Variants in KCNIP4 observed in about 807,000 individuals in gnomAD.
KCNIP4 encodes the protein potassium voltage-gated channel interacting protein 4.
A neutral mutation model predicts 34.0 loss-of-function variants in KCNIP4; 12 were observed. The ratio of observed to expected loss-of-function variants is 0.35; its 90% confidence interval spans 0.23 to 0.57. The LOEUF (loss-of-function observed/expected upper bound fraction) is 0.57. Among genes scored for constraint, KCNIP4 ranks in the 20% least tolerant of loss-of-function variants. The pLI is 0.83. For missense variants in KCNIP4, 238 were observed against 311.7 expected (o/e 0.76, Z 1.78); for synonymous variants, 124 against 102.2 (o/e 1.21, Z -1.29).
rs1219675456 is a variant in KCNIP4 at position 21,798,424 on chromosome 4, TA to T, written c.61+150146del. Among the ~76,000 whole-genome samples, 4 of 143,062 alleles carry T rather than the reference TA, an allele frequency of 2.8e-5. No individual in the cohort carries two copies. The East Asian group carries it at 6.1e-4, about 22-fold the overall frequency. 93.9% of individuals were successfully genotyped at this position (143,062 alleles called of 152,430 possible). A position where few individuals can be genotyped will look rare whatever the true frequency, so the allele number is the denominator to read the frequency against. On this transcript the variant is annotated intron_variant, in intron 1 of 8. Coordinates refer to ENST00000382152, the MANE Select transcript of KCNIP4 (RefSeq NM_025221.6). ...AAATACATATATATATATATATATA[TA>T]TTTGCTGGGTGTGGTGGCACACATC...
At chr4:21,622,751 G>GA (rs1745075650) in intron 1 of KCNIP4, among the ~76,000 whole-genome samples, 1 of 152,102 alleles carries the variant, frequency 6.6e-6, no homozygotes, top group African/African-American at 2.4e-5. Context: ...AAAATAGTTT[G>GA]AAAATGATTT....
intron 1 of KCNIP4, among the ~76,000 whole-genome samples, chr4:21,332,983 C>G (rs1715806633): frequency 6.6e-6 from 1 of 152,046 alleles, no homozygotes; most frequent in Non-Finnish European, 1.5e-5. Context: ...AAGGTCTTTA[C>G]CAGCTCGGAG....
chr4:21,140,314 A>G (rs1474847085), intron 1 of KCNIP4, among the ~76,000 whole-genome samples: 1 of 152,130 alleles, frequency 6.6e-6, no homozygotes, highest in Admixed American at 6.6e-5. Flanking sequence ...TATTGAGAAG[A>G]ACAAAATTAT....
intron 3 of KCNIP4, among the ~76,000 whole-genome samples, chr4:20,809,387 G>T (rs923259917): frequency 6.6e-6 from 1 of 152,128 alleles, no homozygotes; most frequent in African/African-American, 2.4e-5. Context: ...TTTTGTTACT[G>T]TTGTTTGACC....
intron 2 of KCNIP4, among the ~76,000 whole-genome samples, chr4:20,879,336 A>G (rs1724423991): frequency 6.6e-6 from 1 of 152,148 alleles, no homozygotes; most frequent in African/African-American, 2.4e-5. Context: ...AGGTAGCTCG[A>G]TGGGAGAAGG....
chr4:21,235,559 C>T (rs151198523), intron 1 of KCNIP4, among the ~76,000 whole-genome samples: 96 of 152,314 alleles, frequency 6.3e-4, no homozygotes, highest in Middle Eastern at 6.8e-3. Flanking sequence ...GAGATGCCAA[C>T]TTGACTGGCT....
intron 1 of KCNIP4, among the ~76,000 whole-genome samples, chr4:20,908,356 C>T (rs1173207647): frequency 6.6e-6 from 1 of 152,200 alleles, no homozygotes; most frequent in African/African-American, 2.4e-5. Context: ...CCTCAGCCTC[C>T]CAAAGTGGGA....
At chr4:21,304,087 C>CAGAGAGAGAGAGAGAGAGACAGAG (rs1712125910) in intron 1 of KCNIP4, 3 of 124,720 alleles carry the variant, frequency 2.4e-5, no homozygotes, top group African/African-American at 1.4e-4. Context: ...GAGAGAGAGA[C>CAGAGAGAGAGAGAGAGAGACAGAG]AGAGAGAGAG....
intron 1 of KCNIP4, among the ~76,000 whole-genome samples, chr4:21,872,809 C>T (rs1725892731): frequency 6.6e-6 from 1 of 152,156 alleles, no homozygotes; most frequent in Non-Finnish European, 1.5e-5. Context: ...GGTTGTAAAG[C>T]TTCATTATTT....
intron 1 of KCNIP4, among the ~76,000 whole-genome samples, chr4:21,495,656 C>G (rs1732790126): frequency 6.6e-6 from 1 of 151,872 alleles, no homozygotes; most frequent in African/African-American, 2.4e-5. Context: ...TTTGCACTTC[C>G]TTCCTGTACA....
chr4:21,311,912 C>G (rs1364951415), intron 1 of KCNIP4, among the ~76,000 whole-genome samples: 1 of 152,094 alleles, frequency 6.6e-6, no homozygotes, highest in Non-Finnish European at 1.5e-5. Flanking sequence ...GCATATTTGA[C>G]TGCTTCATAA....
chr4:21,815,533 GA>G (rs1317493905), intron 1 of KCNIP4, among the ~76,000 whole-genome samples: 6 of 148,720 alleles, frequency 4.0e-5, no homozygotes, highest in East Asian at 2.0e-4. Context: ...AAGATAAAAG[GA>G]AAAAAAAAGC....
At chr4:21,671,781 G>T (rs185523243) in intron 1 of KCNIP4, among the ~76,000 whole-genome samples, 1 of 152,038 alleles carries the variant, frequency 6.6e-6, no homozygotes, top group Non-Finnish European at 1.5e-5. Context: ...AAATCCTAAC[G>T]GCTTGCAAGA....
At chr4:21,338,664 T>C (rs1716431490) in intron 1 of KCNIP4, among the ~76,000 whole-genome samples, 1 of 151,556 alleles carries the variant, frequency 6.6e-6, no homozygotes, top group Non-Finnish European at 1.5e-5. Flanking sequence ...TCATAGCATA[T>C]AGTAATAATT....
chr4:21,102,959 T>C (rs1012810719), intron 1 of KCNIP4, among the ~76,000 whole-genome samples: 1 of 152,112 alleles, frequency 6.6e-6, no homozygotes, highest in African/African-American at 2.4e-5. Context: ...GATTGGCTGG[T>C]AGGAAAAAAA....
At chr4:20,741,933 G>C (rs1452241230) in intron 5 of KCNIP4, among the ~76,000 whole-genome samples, 4 of 152,230 alleles carry the variant, frequency 2.6e-5, no homozygotes, top group African/African-American at 9.6e-5. Context: ...CAGAGAATAC[G>C]ATGAACACCT....
intron 1 of KCNIP4, among the ~76,000 whole-genome samples, chr4:21,614,138 C>G (rs1482679303): frequency 2.3e-5 from 3 of 130,116 alleles, no homozygotes; most frequent in Admixed American, 1.5e-4. Flanking sequence ...AAGCGAGACT[C>G]TATCTCAAAA....
intron 2 of KCNIP4, among the ~76,000 whole-genome samples, chr4:20,879,534 A>G (rs1724448024): frequency 6.6e-6 from 1 of 152,232 alleles, no homozygotes; most frequent in Non-Finnish European, 1.5e-5. Context: ...GACATTTTAA[A>G]AATGAGAAAT....
At chr4:21,586,478 C>T (rs573999262) in intron 1 of KCNIP4, among the ~76,000 whole-genome samples, 2 of 151,962 alleles carry the variant, frequency 1.3e-5, no homozygotes, top group Admixed American at 1.3e-4. Flanking sequence ...GGGTGTTAGG[C>T]GTGTGGGAGC....
Sources: gnomAD v4.1 joint callset for allele counts (sites outside exome capture counted in the v4.1 genomes callset) on GRCh38, gnomAD v4.1.1 for gene constraint, MANE v1.5 for transcripts, NCBI Gene and HGNC (gene_info 2026-07-23, HGNC 2026-07-21) for gene names.